Variants in NDST4 observed in about 807,000 individuals in gnomAD.
NDST4 encodes the protein N-deacetylase and N-sulfotransferase 4.
NDST4 carries 63 observed loss-of-function variants against 100.8 expected under a neutral mutation model. The ratio of observed to expected loss-of-function variants is 0.62; its 90% CI spans 0.51 to 0.77. NDST4 has a LOEUF of 0.77. Ranked by LOEUF, NDST4 falls within the 30% of genes least tolerant of loss-of-function variation. The probability of loss-of-function intolerance (pLI) is 0.00; values close to 1 mark genes in which losing one functional copy is unlikely to be tolerated. For synonymous variants in NDST4, 377 were observed against 361.8 expected (o/e 1.04, Z -0.48); for missense variants, 943 against 1,018.4 (o/e 0.93, Z 1.01).
chr4:114,857,467 C>T (rs1369959727), intron 7 of NDST4, among the ~76,000 whole-genome samples: 2 of 152,254 alleles, frequency 1.3e-5, no homozygotes, highest in East Asian at 1.9e-4. Context: ...TTCTAAGTCA[C>T]CTGTCACTGT....
chr4:114,861,360 TTA>T (rs1382764646), intron 7 of NDST4, among the ~76,000 whole-genome samples: 1 of 152,220 alleles, frequency 6.6e-6, no homozygotes, highest in Non-Finnish European at 1.5e-5. Flanking sequence ...GTTGACAGCA[TTA>T]TATGTTATTT....
At chr4:114,860,558 C>T (rs952884076) in intron 7 of NDST4, among the ~76,000 whole-genome samples, 1 of 152,084 alleles carries the variant, frequency 6.6e-6, no homozygotes, top group Non-Finnish European at 1.5e-5. Context: ...TGTAAAATGG[C>T]TAGATTGCAG....
intron 1 of NDST4, among the ~76,000 whole-genome samples, chr4:115,110,200 C>T (rs1729916695): frequency 6.6e-6 from 1 of 151,920 alleles, no homozygotes; most frequent in South Asian, 2.1e-4. Context: ...TGTACACATT[C>T]TGCATTGCAA....
chr4:115,093,983 A>T (rs1729572065), intron 1 of NDST4, among the ~76,000 whole-genome samples: 1 of 152,104 alleles, frequency 6.6e-6, no homozygotes, highest in African/African-American at 2.4e-5. Context: ...AAATAAAGCA[A>T]GAAGCTGATT....
chr4:114,975,967 C>T (rs185133841), intron 3 of NDST4, among the ~76,000 whole-genome samples: 1 of 152,148 alleles, frequency 6.6e-6, no homozygotes, highest in Admixed American at 6.6e-5. Flanking sequence ...TTCTGCAAAA[C>T]ATCCTTTTAA....
intron 4 of NDST4, among the ~76,000 whole-genome samples, chr4:114,942,287 G>A (rs1302772654): frequency 1.3e-5 from 2 of 152,136 alleles, no homozygotes; most frequent in African/African-American, 4.8e-5. Context: ...ATAAGATAGG[G>A]CTTCTACCTT....
chr4:114,856,029 G>A (rs571379530), intron 7 of NDST4, among the ~76,000 whole-genome samples: 2 of 151,890 alleles, frequency 1.3e-5, no homozygotes, highest in East Asian at 3.9e-4. Flanking sequence ...TTTAACTGGA[G>A]AGAGAGTTGA....
At chr4:114,957,168 G>T (rs907400895) in intron 4 of NDST4, among the ~76,000 whole-genome samples, 1 of 152,114 alleles carries the variant, frequency 6.6e-6, no homozygotes, top group East Asian at 1.9e-4. Context: ...ATTACTACAG[G>T]TCTTGTATTT....
At chr4:115,026,743 G>A (rs2126267858) in intron 2 of NDST4, among the ~76,000 whole-genome samples, 1 of 152,068 alleles carries the variant, frequency 6.6e-6, no homozygotes, top group East Asian at 1.9e-4. Context: ...GAGATAGGCA[G>A]GCACAGCATT....
chr4:114,864,750 C>T (rs1485771870), intron 7 of NDST4, among the ~76,000 whole-genome samples: 2 of 152,144 alleles, frequency 1.3e-5, no homozygotes, highest in African/African-American at 4.8e-5. Flanking sequence ...ACTCCTGTAG[C>T]ACTTAATAGA....
At chr4:114,972,910 T>C (rs1726546893) in intron 3 of NDST4, among the ~76,000 whole-genome samples, 1 of 152,060 alleles carries the variant, frequency 6.6e-6, no homozygotes, top group Admixed American at 6.6e-5. Context: ...AATTTTTATA[T>C]TAGAGATTAT....
chr4:115,053,698 G>A (rs555053975), intron 2 of NDST4, among the ~76,000 whole-genome samples: 58 of 152,214 alleles, frequency 3.8e-4, no homozygotes, highest in African/African-American at 1.3e-3. Context: ...GTCCTAACAT[G>A]TTTTTACACT....
chr4:114,940,102 CTATAAA>C (rs1279096580), intron 4 of NDST4, among the ~76,000 whole-genome samples: 1 of 152,126 alleles, frequency 6.6e-6, no homozygotes, highest in Non-Finnish European at 1.5e-5. Context: ...ACTTGAGACT[CTATAAA>C]TATAGACACG....
chr4:114,903,553 T>C (rs1192410672), intron 6 of NDST4, among the ~76,000 whole-genome samples: 1 of 151,924 alleles, frequency 6.6e-6, no homozygotes, highest in African/African-American at 2.4e-5. Context: ...TTCCAGTAAG[T>C]TGTAATTATT....
At chr4:115,094,022 ACCT>A (rs1227674274) in intron 1 of NDST4, among the ~76,000 whole-genome samples, 1 of 152,048 alleles carries the variant, frequency 6.6e-6, no homozygotes, top group Non-Finnish European at 1.5e-5. Flanking sequence ...AATTTGACAA[ACCT>A]CTGCTGACAT....
intron 6 of NDST4, among the ~76,000 whole-genome samples, chr4:114,871,644 T>C (rs1724150746): frequency 6.6e-6 from 1 of 152,010 alleles, no homozygotes; most frequent in African/African-American, 2.4e-5. Flanking sequence ...TCATTAGGCA[T>C]TGCAGCAGGG....
chr4:114,938,981 C>T (rs1725691463), intron 4 of NDST4, among the ~76,000 whole-genome samples: 1 of 152,154 alleles, frequency 6.6e-6, no homozygotes, highest in Non-Finnish European at 1.5e-5. Flanking sequence ...ATACTTCTTC[C>T]TAGCACTTGT....
chr4:114,913,539 G>A (rs1359507087), intron 6 of NDST4, among the ~76,000 whole-genome samples: 2 of 151,888 alleles, frequency 1.3e-5, no homozygotes, highest in African/African-American at 4.8e-5. Flanking sequence ...AATGAACTTT[G>A]TTTTATAGAA....
At position 115,091,998 on chromosome 4, in the gene NDST4, T is replaced by C. The variant is rs79102229; in HGVS notation, c.-246-14716A>G. 5.9e-3 allele frequency among the ~76,000 whole-genome samples: 903 copies of C among 152,270 alleles called. 15 individuals carry two copies. Among genetic ancestry groups the C allele is most frequent in the African/African-American group, 0.021 (858 of 41,562 alleles). On this transcript the variant is annotated intron_variant, in intron 1 of 13. Transcript: ENST00000264363. ...GAATGCAAACATCGAGATGATTACA[T>C]GTAATTCAAAAAATAGTCCTTAATT...
Sources: allele counts gnomAD v4.1 joint callset (sites outside exome capture counted in the v4.1 genomes callset), GRCh38; gene constraint gnomAD v4.1.1; transcripts MANE v1.5; gene names NCBI Gene and HGNC (gene_info 2026-07-23, HGNC 2026-07-21).